The following HDAC9 variants were observed in gnomAD, a reference collection of about 807,000 sequenced individuals.
HDAC9 encodes the protein MEF-2 interacting transcription repressor (MITR) protein.
HDAC9 carries 41 observed loss-of-function variants against 139.4 expected under a neutral mutation model. The observed-to-expected ratio is 0.29, with a 90% confidence interval of 0.23 to 0.38. The LOEUF is 0.38. HDAC9 is among the 10% of genes least tolerant of loss of function. The probability of loss-of-function intolerance (pLI) is 1.00; values close to 1 mark genes in which losing one functional copy is unlikely to be tolerated. For missense variants in HDAC9, 1,147 were observed against 1,297.0 expected (o/e 0.88, Z 1.78); for synonymous variants, 517 against 476.2 (o/e 1.09, Z -1.12).
rs144483390 is a variant in HDAC9 at position 18,535,946 on chromosome 7, C to G, written c.22+39622C>G. ...AAGCAACTCACATTCCTATTAGGAG[C>G]TTGTAGGAGAAGCTGTAGATGCCCC... On this transcript the variant is annotated intron_variant, in intron 2 of 25. Transcript: ENST00000686413. Among the ~76,000 whole-genome samples, 462 of 152,204 alleles carry G rather than the reference C, an allele frequency of 3.0e-3. 4 individuals carry two copies. Among genetic ancestry groups the G allele is most frequent in the African/African-American group, 0.011 (441 of 41,530 alleles).
At chr7:18,463,481 T>C (rs1794021394) in intron 1 of HDAC9, among the ~76,000 whole-genome samples, 1 of 151,956 alleles carries the variant, frequency 6.6e-6, no homozygotes, top group Non-Finnish European at 1.5e-5. Context: ...GGCTAGTCCC[T>C]TGTATCTAAA....
chr7:18,372,737 C>T (rs1433861920), intron 1 of HDAC9, among the ~76,000 whole-genome samples: 3 of 152,064 alleles, frequency 2.0e-5, no homozygotes, highest in Non-Finnish European at 4.4e-5. Flanking sequence ...AGCTTTTTGA[C>T]TAGCTGAACA....
At chr7:18,767,192 A>G (rs761039393) in intron 16 of HDAC9, 37 bp downstream of exon 16, 1 of 1,182,698 alleles carries the variant, frequency 8.5e-7, no homozygotes, top group East Asian at 2.6e-5. Flanking sequence ...TAAATAACAT[A>G]AAATTACAAA....
intron 21 of HDAC9, among the ~76,000 whole-genome samples, chr7:18,839,472 T>A (rs568113712): frequency 7.2e-5 from 11 of 152,176 alleles, no homozygotes; most frequent in African/African-American, 2.6e-4. Context: ...AAGGCACAAA[T>A]GCCTAGTGAA....
At chr7:18,219,520 C>G (rs1036522000) in intron 2 of HDAC9, among the ~76,000 whole-genome samples, 1 of 151,838 alleles carries the variant, frequency 6.6e-6, no homozygotes, top group African/African-American at 2.4e-5. Flanking sequence ...TGTAAGCCAT[C>G]TGCCAAAATT....
intron 2 of HDAC9, among the ~76,000 whole-genome samples, chr7:18,576,770 A>C (rs533683042): frequency 7.2e-5 from 11 of 152,348 alleles, no homozygotes; most frequent in Admixed American, 5.2e-4. Flanking sequence ...ATGATAAAAA[A>C]AAATACAGGG....
intron 1 of HDAC9, among the ~76,000 whole-genome samples, chr7:18,364,527 T>C (rs957361063): frequency 7.2e-5 from 11 of 151,866 alleles, no homozygotes; most frequent in African/African-American, 2.4e-4. Context: ...CATTCGAAAA[T>C]AGAGAATTTT....
chr7:18,551,821 G>A (rs550281376), intron 2 of HDAC9, among the ~76,000 whole-genome samples: 1 of 152,326 alleles, frequency 6.6e-6, no homozygotes, highest in African/African-American at 2.4e-5. Context: ...CAGTTTTTCT[G>A]TGGTGAGTCT....
chr7:18,509,247 A>C, intron 2 of HDAC9: 1 of 984,672 alleles, frequency 1.0e-6, no homozygotes, highest in Non-Finnish European at 1.2e-6. Flanking sequence ...AGAATAGAGC[A>C]GGAAGTGTTC....
At position 18,865,648 on chromosome 7, in the gene HDAC9, G is replaced by A. The variant is rs192508286; in HGVS notation, c.2685-8830G>A. 2.0e-5 allele frequency among the ~76,000 whole-genome samples: 3 copies of A among 152,264 alleles called. No homozygotes were observed. In the East Asian group the frequency reaches 5.8e-4, roughly 29 times the overall value. On this transcript the variant is annotated intron_variant, in intron 21 of 25. Transcript: ENST00000686413. ...CACTGGGGGCTGTTCTGCAGCACTA[G>A]CAGCCACAACAGCTGCCTGGAATCT... is the stretch of plus-strand genomic sequence containing the variant.
intron 25 of HDAC9, among the ~76,000 whole-genome samples, chr7:18,982,476 A>C (rs1172536914): frequency 6.6e-6 from 1 of 152,104 alleles, no homozygotes; most frequent in African/African-American, 2.4e-5. Context: ...GGTTTCCAAC[A>C]ATGACCTTAA....
chr7:18,303,415 GTGTGTGTGTT>G (rs1290156326), intron 1 of HDAC9, among the ~76,000 whole-genome samples: 7,230 of 123,408 alleles, frequency 0.059, 407 homozygotes, highest in African/African-American at 0.17. Flanking sequence ...GTGTGTGTGT[GTGTGTGTGTT>G]TTTAGTAGAG....
intron 6 of HDAC9, among the ~76,000 whole-genome samples, chr7:18,617,132 A>G (rs1014945650): frequency 2.0e-5 from 3 of 151,946 alleles, no homozygotes; most frequent in African/African-American, 7.3e-5. Context: ...CTACTGTTTT[A>G]GTTCATTCCC....
intron 7 of HDAC9, 97 bp downstream of exon 7, chr7:18,629,578 T>G (rs1781712153): frequency 1.7e-6 from 2 of 1,182,552 alleles, no homozygotes; most frequent in Non-Finnish European, 2.3e-6. Context: ...AAAGTTATTT[T>G]GAGAAGAAAT....
At chr7:18,813,642 T>G (rs1018969288) in intron 17 of HDAC9, among the ~76,000 whole-genome samples, 9 of 152,182 alleles carry the variant, frequency 5.9e-5, no homozygotes, top group African/African-American at 2.2e-4. Context: ...GAGAAAGGGA[T>G]AAATCTTGGC....
chr7:18,984,937 TG>T (rs1262602595), intron 25 of HDAC9, among the ~76,000 whole-genome samples: 2 of 152,170 alleles, frequency 1.3e-5, no homozygotes, highest in Non-Finnish European at 2.9e-5. Flanking sequence ...TTGCTTTTGT[TG>T]GGCTTTTATT....
At chr7:18,881,772 T>A (rs1462859139) in intron 22 of HDAC9, among the ~76,000 whole-genome samples, 1 of 152,134 alleles carries the variant, frequency 6.6e-6, no homozygotes, top group Non-Finnish European at 1.5e-5. Flanking sequence ...GTTTAGCAGT[T>A]GTATCTTTTA....
intron 2 of HDAC9, among the ~76,000 whole-genome samples, chr7:18,575,957 CAAAT>C (rs1037813633): frequency 7.9e-5 from 12 of 152,028 alleles, no homozygotes; most frequent in Admixed American, 6.5e-4. Flanking sequence ...TAAAGATAGA[CAAAT>C]GAATGTTATG....
chr7:18,492,384 CT>C (rs569312053), upstream of HDAC9, among the ~76,000 whole-genome samples: 10 of 150,756 alleles, frequency 6.6e-5, no homozygotes, highest in South Asian at 2.1e-4. Flanking sequence ...TTTTTTAATA[CT>C]TTTTTTTTGC....
Sources: gnomAD v4.1 joint callset for allele counts (sites outside exome capture counted in the v4.1 genomes callset) on GRCh38, gnomAD v4.1.1 for gene constraint, MANE v1.5 for transcripts, NCBI Gene and HGNC (gene_info 2026-07-23, HGNC 2026-07-21) for gene names.